Variants in VPS53 observed in about 807,000 individuals in gnomAD.
VPS53 encodes the protein vacuolar protein sorting-associated protein 53 homolog.
In VPS53, 70 loss-of-function variants were observed where a neutral mutation model predicts 107.0. That is an observed-to-expected ratio of 0.65 (90% CI 0.54 to 0.80). The LOEUF is 0.80. Among genes scored for constraint, VPS53 ranks in the 30% least tolerant of loss-of-function variants. VPS53 has a pLI of 0.00. For synonymous variants in VPS53, 409 were observed against 393.3 expected (o/e 1.04, Z -0.47); for missense variants, 917 against 1,049.4 (o/e 0.87, Z 1.74).
intron 1 of VPS53, among the ~76,000 whole-genome samples, chr17:712,177 C>CTTTT (rs35522489): frequency 6.1e-5 from 6 of 98,466 alleles, no homozygotes; most frequent in African/African-American, 8.8e-5. Context: ...TGACTTTCGC[C>CTTTT]TTTTTTTTTT....
intron 4 of VPS53, among the ~76,000 whole-genome samples, chr17:677,348 A>T (rs1321390875): frequency 1.3e-5 from 2 of 152,232 alleles, no homozygotes; most frequent in Non-Finnish European, 2.9e-5. Context: ...ACCAGATACA[A>T]AGGGTCAAAT....
At chr17:552,456 A>G (rs1911929265) in intron 16 of VPS53, 1 of 152,994 alleles carries the variant, frequency 6.5e-6, no homozygotes, top group African/African-American at 2.4e-5. Context: ...ATTTAATGGC[A>G]GTGGAACAGA....
chr17:577,520 C>T (rs1914729561), intron 13 of VPS53, among the ~76,000 whole-genome samples: 1 of 151,598 alleles, frequency 6.6e-6, no homozygotes, highest in African/African-American at 2.4e-5. Context: ...TCCCTCAGAA[C>T]CTAATGCGTT....
intron 13 of VPS53, among the ~76,000 whole-genome samples, chr17:584,627 T>G (rs374173797): frequency 3.9e-5 from 6 of 152,186 alleles, no homozygotes; most frequent in African/African-American, 1.4e-4. Flanking sequence ...CTCCAGTGAT[T>G]TTCCCACCTC....
chr17:706,971 T>C (rs1396864205), intron 2 of VPS53, among the ~76,000 whole-genome samples: 1 of 152,182 alleles, frequency 6.6e-6, no homozygotes, highest in Non-Finnish European at 1.5e-5. Flanking sequence ...AAAACGTGAA[T>C]GTGCTCCAGT....
intron 4 of VPS53, among the ~76,000 whole-genome samples, chr17:667,304 C>A (rs902128821): frequency 6.6e-6 from 1 of 150,420 alleles, no homozygotes; most frequent in Non-Finnish European, 1.5e-5. Context: ...CTGGTATAGA[C>A]TTTTTTTTTC....
chr17:560,142 C>T (rs2151849680), intron 15 of VPS53, among the ~76,000 whole-genome samples: 1 of 152,366 alleles, frequency 6.6e-6, no homozygotes. Flanking sequence ...TGGAGTGCTA[C>T]TGACCTACTT....
At chr17:577,842 T>A (rs1486155395) in intron 13 of VPS53, among the ~76,000 whole-genome samples, 1 of 137,292 alleles carries the variant, frequency 7.3e-6, no homozygotes, top group South Asian at 2.4e-4. Flanking sequence ...TCCCTCAGAA[T>A]CTCAGTGCAT....
chr17:669,695 C>T (rs377511338), intron 4 of VPS53, among the ~76,000 whole-genome samples: 9 of 151,046 alleles, frequency 6.0e-5, no homozygotes, highest in East Asian at 5.9e-4. Context: ...AGATCAAGAC[C>T]ATCCTGCCCA....
At chr17:522,060 C>A (rs1908803482) in intron 19 of VPS53, among the ~76,000 whole-genome samples, 2 of 152,046 alleles carry the variant, frequency 1.3e-5, no homozygotes, top group Non-Finnish European at 2.9e-5. Context: ...TTGAGACCAG[C>A]CTGGGCAACA....
chr17:714,767 C>T lies in VPS53; in HGVS notation c.-58G>A. On this transcript the variant is annotated 5_prime_UTR_variant, in exon 1 of 22. Coordinates refer to ENST00000437048, the MANE Select transcript of VPS53 (RefSeq NM_001128159.3). Reference sequence around the variant, plus strand: ...CGAGCCCAACTCAGGCCTCCAGCCGCCACCCAGGCCCCAGCACAGCAACTC... The same window carrying T: ...CGAGCCCAACTCAGGCCTCCAGCCGTCACCCAGGCCCCAGCACAGCAACTC... 1 of 1,589,440 alleles carries T rather than the reference C, an allele frequency of 6.3e-7. No individual in the cohort carries two copies. Among genetic ancestry groups the T allele is most frequent in the Non-Finnish European group, 8.6e-7 (1 of 1,158,920 alleles).
chr17:525,996 C>CAAAAAA, intron 19 of VPS53, among the ~76,000 whole-genome samples: 1 of 74,672 alleles, frequency 1.3e-5, no homozygotes, highest in Non-Finnish European at 2.5e-5. Flanking sequence ...GACATTTTCT[C>CAAAAAA]AAAAAAAAAA....
chr17:704,209 C>T (rs1407057406), intron 2 of VPS53, among the ~76,000 whole-genome samples: 1 of 152,252 alleles, frequency 6.6e-6, no homozygotes, highest in Non-Finnish European at 1.5e-5. Context: ...TGCGACCAAA[C>T]CTGGCTACTA....
In VPS53 at chr17:517,370, G is replaced by C; in HGVS notation, c.*1758C>G. On this transcript the variant is annotated 3_prime_UTR_variant, in exon 22 of 22. Coordinates refer to ENST00000437048, the MANE Select transcript of VPS53 (RefSeq NM_001128159.3). ...GATCAGAGCTGGACGGCATCGGGGA[G>C]AAAGCCTGGCAGAGAGGGCAGGGGC... 7.5e-6 allele frequency: 3 copies of C among 399,706 alleles called. No individual in the cohort carries two copies. Among genetic ancestry groups the C allele is most frequent in the Non-Finnish European group, 1.3e-5 (3 of 226,486 alleles). 24.8% of individuals were successfully genotyped at this position (399,706 alleles called of 1,614,324 possible).
At chr17:679,665 A>C (rs1309043883) in intron 4 of VPS53, among the ~76,000 whole-genome samples, 1 of 152,228 alleles carries the variant, frequency 6.6e-6, no homozygotes, top group Non-Finnish European at 1.5e-5. Flanking sequence ...CTATAACCAC[A>C]GAAATAACAG....
intron 19 of VPS53, among the ~76,000 whole-genome samples, chr17:530,399 C>T (rs992972658): frequency 3.9e-5 from 6 of 152,018 alleles, no homozygotes; most frequent in South Asian, 2.1e-4. Flanking sequence ...GTGATCCGCC[C>T]GCCTCGGCCT....
chr17:537,259 G>A (rs1420033816), intron 17 of VPS53, 83 bp from the exon 18 acceptor site: 2 of 1,480,074 alleles, frequency 1.4e-6, no homozygotes, highest in South Asian at 1.3e-5. Flanking sequence ...GGGCTGGAGT[G>A]GAAGTCAGGT....
intron 1 of VPS53, chr17:714,360 C>A: frequency 1.9e-6 from 1 of 517,110 alleles, no homozygotes; most frequent in Non-Finnish European, 3.4e-6. Flanking sequence ...CTAGCGTCGT[C>A]CTCTCTAAGC....
intron 13 of VPS53, among the ~76,000 whole-genome samples, chr17:579,108 G>A (rs930100596): frequency 1.4e-5 from 2 of 145,966 alleles, no homozygotes; most frequent in Non-Finnish European, 3.0e-5. Context: ...GACCTAATGC[G>A]GTCCCAGAGA....
Sources: allele counts gnomAD v4.1 joint callset (sites outside exome capture counted in the v4.1 genomes callset), GRCh38; gene constraint gnomAD v4.1.1; transcripts MANE v1.5; gene names NCBI Gene and HGNC (gene_info 2026-07-23, HGNC 2026-07-21).